MAGT1: variants seen among roughly 807,000 people sequenced by gnomAD.
MAGT1 encodes magnesium transporter 1.
In MAGT1, 4 loss-of-function variants were observed where a neutral mutation model predicts 28.4. The ratio of observed to expected loss-of-function variants is 0.14; its 90% CI spans 0.07 to 0.32. MAGT1 has a LOEUF of 0.32. Ranked by LOEUF, MAGT1 falls within the 10% of genes least tolerant of loss-of-function variation. MAGT1 has a pLI of 1.00. For synonymous variants in MAGT1, 89 were observed against 89.7 expected, an observed-to-expected ratio of 0.99 and a Z score of 0.04; for missense variants, 193 against 264.5, an observed-to-expected ratio of 0.73 and a Z score of 1.88.
intron 8 of MAGT1, among the ~76,000 whole-genome samples, chrX:77,839,986 T>C (rs2076930433): frequency 9.0e-6 from 1 of 111,474 alleles, no homozygotes; most frequent in Non-Finnish European, 1.9e-5. Flanking sequence ...GAAATCTAAA[T>C]TATTTTAACT....
rs1448736440 is a variant in MAGT1, at chrX:77,891,538, C to T, written c.102+3771G>A. ...TCATCTTTAAAGTCCCCTTATCTTTCGAAGGGGTTAATACTTACTCTGCAA... is the reference window on the plus strand; with the variant it reads ...TCATCTTTAAAGTCCCCTTATCTTTTGAAGGGGTTAATACTTACTCTGCAA... On this transcript the variant is annotated intron_variant, in intron 1 of 9. Transcript: ENST00000618282. Among the ~76,000 whole-genome samples the T allele has an allele frequency of 1.2e-4, 13 of 111,326 alleles. No homozygotes were observed. The East Asian group carries it at 2.3e-3, about 19-fold the overall frequency.
chrX:77,895,558 T>C, upstream of MAGT1: 1 of 963,242 alleles, frequency 1.0e-6, no homozygotes, highest in East Asian at 3.4e-5. Context: ...CACAGCGCGC[T>C]GGCGCTACAC....
intron 7 of MAGT1, among the ~76,000 whole-genome samples, chrX:77,850,990 T>C (rs1439167435): frequency 9.2e-6 from 1 of 108,665 alleles, no homozygotes; most frequent in Admixed American, 9.9e-5. Context: ...TTTTTTTCTT[T>C]GAGACAGAGT....
chrX:77,886,233 A>G (rs1280918792), intron 1 of MAGT1, among the ~76,000 whole-genome samples: 1 of 112,194 alleles, frequency 8.9e-6, no homozygotes, highest in East Asian at 2.8e-4. Context: ...TAAAAGAAAG[A>G]TTTAGTGATA....
intron 8 of MAGT1, among the ~76,000 whole-genome samples, chrX:77,831,783 G>A (rs1236280176): frequency 1.8e-5 from 2 of 109,492 alleles, no homozygotes; most frequent in Non-Finnish European, 3.8e-5. Flanking sequence ...TTGAGAAGAC[G>A]GTGTCTCACT....
At chrX:77,890,997 A>ATAT (rs201107134) in intron 1 of MAGT1, among the ~76,000 whole-genome samples, 10 of 110,635 alleles carry the variant, frequency 9.0e-5, no homozygotes, top group East Asian at 2.8e-4. Flanking sequence ...TCCACATTTC[A>ATAT]TATTATTATT....
intron 7 of MAGT1, among the ~76,000 whole-genome samples, chrX:77,849,986 G>GTTGC (rs782582808): frequency 9.0e-6 from 1 of 110,790 alleles, no homozygotes; most frequent in South Asian, 3.7e-4. Context: ...AATTTTAAAG[G>GTTGC]TTGCTTAGAT....
At chrX:77,856,493 T>G (rs1396982459) in intron 5 of MAGT1, 1 of 330,572 alleles carries the variant, frequency 3.0e-6, no homozygotes, top group Non-Finnish European at 5.4e-6. Flanking sequence ...TTCATAGAGA[T>G]GACAGTCTGT....
intron 7 of MAGT1, among the ~76,000 whole-genome samples, chrX:77,846,588 T>C (rs904077062): frequency 2.4e-4 from 27 of 112,085 alleles, no homozygotes; most frequent in African/African-American, 8.4e-4. Flanking sequence ...TCTTTGATGA[T>C]GGTGACATAC....
intron 7 of MAGT1, among the ~76,000 whole-genome samples, chrX:77,849,895 C>CAAAAAAAAAAAAA (rs1247445316): frequency 2.0e-5 from 1 of 50,844 alleles, no homozygotes. Context: ...AACAAAAAAC[C>CAAAAAAAAAAAAA]AAAAAAAAAA....
intron 7 of MAGT1, among the ~76,000 whole-genome samples, chrX:77,844,632 T>C (rs1569547917): frequency 9.0e-6 from 1 of 111,480 alleles, no homozygotes; most frequent in Non-Finnish European, 1.9e-5. Context: ...GTCCCAGAGA[T>C]TCTGGTATGT....
intron 3 of MAGT1, among the ~76,000 whole-genome samples, chrX:77,869,783 C>G (rs1247802383): frequency 9.1e-6 from 1 of 109,957 alleles, no homozygotes; most frequent in Non-Finnish European, 1.9e-5. Flanking sequence ...AAAGGGAACA[C>G]TTTTAACACT....
intron 8 of MAGT1, among the ~76,000 whole-genome samples, chrX:77,834,237 T>C (rs781923236): frequency 5.7e-4 from 44 of 77,792 alleles, no homozygotes; most frequent in African/African-American, 1.1e-3. Flanking sequence ...CATATATGTA[T>C]ATATATGCAT....
intron 5 of MAGT1, among the ~76,000 whole-genome samples, 176 bp from the exon 6 acceptor site, chrX:77,855,766 G>A (rs782189899): frequency 1.8e-5 from 2 of 111,016 alleles, no homozygotes; most frequent in Admixed American, 9.7e-5. Flanking sequence ...TACTTCAAAA[G>A]GAAAACACTA....
chrX:77,829,565 C>T (rs1052948599), intron 9 of MAGT1, among the ~76,000 whole-genome samples: 6 of 111,404 alleles, frequency 5.4e-5, no homozygotes, highest in Non-Finnish European at 3.8e-5. Context: ...TCTGTCTTAG[C>T]CTTCTGAGTA....
chrX:77,838,893 ATT>A (rs1557214140), intron 8 of MAGT1, among the ~76,000 whole-genome samples: 1 of 111,372 alleles, frequency 9.0e-6, no homozygotes, highest in African/African-American at 3.3e-5. Context: ...TTAGGAAAAT[ATT>A]TGACCTTATA....
chrX:77,833,714 A>G (rs2076905338), intron 8 of MAGT1, among the ~76,000 whole-genome samples: 1 of 112,266 alleles, frequency 8.9e-6, no homozygotes, highest in African/African-American at 3.2e-5. Context: ...CATACTATCT[A>G]AAGCAATCTA....
chrX:77,893,638 G>A (rs1307247101), intron 1 of MAGT1, among the ~76,000 whole-genome samples: 1 of 112,454 alleles, frequency 8.9e-6, no homozygotes, highest in Non-Finnish European at 1.9e-5. Context: ...GCTCACACCT[G>A]TAATCCCAAC....
chrX:77,894,242 T>C (rs1201986459), intron 1 of MAGT1, among the ~76,000 whole-genome samples: 3 of 112,395 alleles, frequency 2.7e-5, no homozygotes, highest in African/African-American at 9.7e-5. Context: ...ACGATACTTT[T>C]GACAATTGTA....
Sources: allele counts gnomAD v4.1 joint callset (sites outside exome capture counted in the v4.1 genomes callset), GRCh38; gene constraint gnomAD v4.1.1; transcripts MANE v1.5; gene names NCBI Gene and HGNC (gene_info 2026-07-23, HGNC 2026-07-21).